Variants in DENND4B observed in about 807,000 individuals in gnomAD.
DENND4B encodes DENN domain containing 4B.
DENND4B carries 67 observed loss-of-function variants against 161.0 expected under a neutral mutation model. The ratio of observed to expected loss-of-function variants is 0.42; its 90% CI spans 0.34 to 0.51. DENND4B has a LOEUF of 0.51. Ranked by LOEUF, DENND4B falls within the 20% of genes least tolerant of loss-of-function variation. The probability of loss-of-function intolerance (pLI) is 0.08; values close to 1 mark genes in which losing one functional copy is unlikely to be tolerated. For missense variants in DENND4B, 1,481 were observed against 1,968.0 expected (o/e 0.75, Z 4.68); for synonymous variants, 753 against 813.8 (o/e 0.93, Z 1.27).
In DENND4B at chr1:153,933,176, T is replaced by C; in HGVS notation, c.3453+21A>G. On this transcript the variant is annotated intron_variant, in intron 21 of 27. Transcript: ENST00000361217. This position sits in a 1 kb window ranked among gnomAD's most constrained non-coding sequence, Gnocchi z 5.7. ...TGCTATGTGTGTTCAAGCACATCTG[T>C]GTGGGAGGGGTTATCCTCACTTCCA... 3.7e-6 allele frequency: 6 copies of C among 1,612,626 alleles called. No individual in the cohort carries two copies. The highest frequency in any genetic ancestry group is 5.1e-6 in the Non-Finnish European group (6 of 1,179,360).
In DENND4B at chr1:153,930,757, C is replaced by T. The variant is rs549408887; in HGVS notation, c.4215G>A (p.Val1405=). 5.0e-6 allele frequency: 8 copies of T among 1,610,626 alleles called. No homozygotes were observed. In the African/African-American group the frequency reaches 8.0e-5, roughly 16 times the overall value. The change falls in exon 26 of 28, where the codon GTG becomes GTA. Residue 1405 remains valine, a synonymous_variant. Coordinates refer to ENST00000361217, the MANE Select transcript of DENND4B (RefSeq NM_014856.3). This position sits in a 1 kb window ranked among gnomAD's most constrained non-coding sequence, Gnocchi z 4.7. ...CCAGCAGGAGCCCCACAGCCTTGTGCACTTCATTGAGTCCAACATGGCGCA... is the reference window on the plus strand; with the variant it reads ...CCAGCAGGAGCCCCACAGCCTTGTGTACTTCATTGAGTCCAACATGGCGCA... The part of the protein sequence containing the change: ...SVLRHVGLNE[V]HKAVGLLLET...
intron 24 of DENND4B, among the ~76,000 whole-genome samples, chr1:153,931,686 CG>C (rs1678946715): frequency 6.6e-6 from 1 of 150,730 alleles, no homozygotes. Context: ...TTTAGTAACA[CG>C]GGGTTTCACC....
At chr1:153,935,319 G>A in intron 17 of DENND4B, 1 of 269,212 alleles carries the variant, frequency 3.7e-6, no homozygotes, top group South Asian at 6.4e-5. Flanking sequence ...CCTGAATTCG[G>A]GAGATATGGA....
chr1:153,937,892 T>C lies in DENND4B; in HGVS notation c.1966-29A>G, dbSNP rs140830931. ...GAGAAGGATTTTAAGAGAGCAAGTG[T>C]TGAGATGGTGGGCATGGAGCAGAGC... On this transcript the variant is annotated intron_variant, in intron 13 of 27. Transcript: ENST00000361217. The surrounding 1 kb of genome is among the most constrained non-coding windows in gnomAD (Gnocchi z 4.7). The C allele has an allele frequency of 2.8e-4, 458 of 1,613,740 alleles. No individual in the cohort carries two copies. The African/African-American group carries it at 5.5e-3, about 20-fold the overall frequency.
Position 153,933,512 on chromosome 1 carries a change from G to C in DENND4B, c.3301C>G (p.Arg1101Gly). ...RSPMDSLLHP[R>G]ERPGSTASES... ...GAGGCAGTGGATCCAGGGCGCTCCC[G>C]GGGGTGCAGAAGACTGTCCATGGGG... is the stretch of plus-strand genomic sequence containing the variant. Residue 1101 changes from arginine (R) to glycine (G), a missense_variant, in exon 20 of 28, where the codon CGG (arginine) becomes GGG (glycine). This residue lies in a region of DENND4B where 339 missense variants were observed against 330.3 expected (regional missense o/e 1.03). Coordinates refer to ENST00000361217, the MANE Select transcript of DENND4B (RefSeq NM_014856.3). The surrounding 1 kb of genome is among the most constrained non-coding windows in gnomAD (Gnocchi z 5.7). 1 of 1,552,540 alleles carries C rather than the reference G, an allele frequency of 6.4e-7. No individual in the cohort carries two copies. The highest frequency in any genetic ancestry group is 8.7e-7 in the Non-Finnish European group (1 of 1,149,774).
Position 153,936,728 on chromosome 1 carries a change from C to CTTT in DENND4B, c.2252_2253insAAA (p.Arg751_Met752insLys). 1.0e-5 allele frequency: 16 copies of CTTT among 1,596,618 alleles called. No individual in the cohort carries two copies. The highest frequency in any genetic ancestry group is 1.4e-5 in the Non-Finnish European group (16 of 1,168,924). ...GCACAGCTGCTGACTTCTGTGCCAT[C>CTTT]CGCTGTGCAACTTTCATCTCCTAGG... On this transcript the variant is annotated inframe_insertion, in exon 16 of 28. Transcript: ENST00000361217. The surrounding 1 kb of genome is among the most constrained non-coding windows in gnomAD (Gnocchi z 4.1).
Position 153,932,832 on chromosome 1 carries a change from A to G in DENND4B, c.3623+29T>C. 6.2e-7 allele frequency: 1 copy of G among 1,613,540 alleles called. No homozygotes were observed. The highest frequency in any genetic ancestry group is 8.5e-7 in the Non-Finnish European group (1 of 1,179,584). On this transcript the variant is annotated intron_variant, in intron 22 of 27. Coordinates refer to ENST00000361217, the MANE Select transcript of DENND4B (RefSeq NM_014856.3). The surrounding 1 kb of genome is among the most constrained non-coding windows in gnomAD (Gnocchi z 5.8). ...TTTGGACCTTCACCTCCCTATTCCC[A>G]CCCACAGCACTTGCCCTGCCTTGGG...
chr1:153,941,775 G>GGGGGGGGGGGGCC, intron 6 of DENND4B, 94 bp downstream of exon 6: 1 of 1,338,174 alleles, frequency 7.5e-7, no homozygotes, highest in Non-Finnish European at 1.0e-6. Flanking sequence ...CCTGTGCCCA[G>GGGGGGGGGGGGCC]CCCTCCCCCC....
Position 153,932,493 on chromosome 1 carries a change from T to A in DENND4B, c.3760-53A>T. The A allele has an allele frequency of 6.4e-7, 1 of 1,559,186 alleles. No individual in the cohort carries two copies. The highest frequency in any genetic ancestry group is 8.7e-7 in the Non-Finnish European group (1 of 1,150,216). On this transcript the variant is annotated intron_variant, in intron 23 of 27. Transcript: ENST00000361217. This position sits in a 1 kb window ranked among gnomAD's most constrained non-coding sequence, Gnocchi z 5.8. ...AGAGGGCATGTACATCCCCAGAGCC[T>A]TGCCTCCCACTGAGCCACCACATCC...
intron 17 of DENND4B, 179 bp downstream of exon 17, chr1:153,935,881 C>T: frequency 1.4e-6 from 1 of 720,528 alleles, no homozygotes. Flanking sequence ...ATCAAAGCAG[C>T]CTCGTCTGAG....
intron 13 of DENND4B, among the ~76,000 whole-genome samples, chr1:153,938,353 G>C (rs1679469045): frequency 6.6e-6 from 1 of 150,824 alleles, no homozygotes; most frequent in South Asian, 2.1e-4. Flanking sequence ...AGGTTGCAGT[G>C]AGCCGATATC....
Position 153,942,120 on chromosome 1 carries a change from G to A in DENND4B, c.811-7C>T. On this transcript the variant is annotated splice_polypyrimidine_tract_variant and splice_region_variant and intron_variant, in intron 5 of 27. Transcript: ENST00000361217. This position sits in a 1 kb window ranked among gnomAD's most constrained non-coding sequence, Gnocchi z 6.9. ...GCAGGGCGGCACCATACACCTGGCA[G>A]GGGGCAGAAGGGTAGTCAGGCAGGC... is the stretch of plus-strand genomic sequence containing the variant. The A allele has an allele frequency of 6.2e-7, 1 of 1,613,776 alleles. No homozygotes were observed. Among genetic ancestry groups the A allele is most frequent in the South Asian group, 1.1e-5 (1 of 91,070 alleles).
Position 153,932,126 on chromosome 1 carries a change from G to A in DENND4B, c.3996+78C>T. The A allele has an allele frequency of 1.5e-6, 2 of 1,360,404 alleles. No homozygotes were observed. The highest frequency in any genetic ancestry group is 2.0e-6 in the Non-Finnish European group (2 of 981,292). The allele number at this position is 1,360,404 out of a possible 1,614,324, so 84.3% of individuals were successfully genotyped here. On this transcript the variant is annotated intron_variant, in intron 24 of 27. Transcript: ENST00000361217. The surrounding 1 kb of genome is among the most constrained non-coding windows in gnomAD (Gnocchi z 5.8). ...CTGGCCAGTCTATGCTCTTTCTACA[G>A]TGCCAAGGACACAGTGGACAAATGG...
In DENND4B at chr1:153,930,283, G is replaced by A; in HGVS notation, c.*14C>T. ...ACTTCCCCACCCTAGGCTGGAGAGG[G>A]AAGCTTAAGGTCTCTAGCATTCTGG... On this transcript the variant is annotated 3_prime_UTR_variant, in exon 28 of 28. Coordinates refer to ENST00000361217, the MANE Select transcript of DENND4B (RefSeq NM_014856.3). This position sits in a 1 kb window ranked among gnomAD's most constrained non-coding sequence, Gnocchi z 4.7. The A allele has an allele frequency of 6.2e-7, 1 of 1,608,648 alleles. No homozygotes were observed. Among genetic ancestry groups the A allele is most frequent in the East Asian group, 2.2e-5 (1 of 44,704 alleles).
chr1:153,929,759 A>G lies in DENND4B; in HGVS notation c.*538T>C, dbSNP rs1236736646. The G allele has an allele frequency of 6.6e-6, 1 of 152,530 alleles. No homozygotes were observed. The highest frequency in any genetic ancestry group is 2.4e-5 in the African/African-American group (1 of 41,418). The allele number at this position is 152,530 out of a possible 1,614,324, so 9.4% of individuals were successfully genotyped here. The stretch of plus-strand genomic sequence containing the variant: ...TTCCCTTCCCTTTCTCACTCTCCAT[A>G]AGAACCTCATAAGCAAGGGGGCTGT... On this transcript the variant is annotated 3_prime_UTR_variant, in exon 28 of 28. Coordinates refer to ENST00000361217, the MANE Select transcript of DENND4B (RefSeq NM_014856.3).
chr1:153,930,719 G>A lies in DENND4B; in HGVS notation c.4253C>T (p.Pro1418Leu). Residue 1418 changes from proline (P) to leucine (L), a missense_variant, in exon 26 of 28, where the codon CCC becomes CTC. Physicochemically the swap from Pro to Leu is moderately conservative, Grantham distance 98 (BLOSUM62 -3). Coordinates refer to ENST00000361217, the MANE Select transcript of DENND4B (RefSeq NM_014856.3). This position sits in a 1 kb window ranked among gnomAD's most constrained non-coding sequence, Gnocchi z 4.7. ...CTGCAGGTGCAGGCCAGTGGGTGGG[G>A]GCCCTAGAGTTTCCAGCAGGAGCCC... The part of the protein sequence containing the change: ...AVGLLLETLG[P>L]PPTGLHLQRG... 6.2e-7 allele frequency: 1 copy of A among 1,611,782 alleles called. No individual in the cohort carries two copies. The highest frequency in any genetic ancestry group is 1.1e-5 in the South Asian group (1 of 90,664).
At position 153,933,237 on chromosome 1, in the gene DENND4B, A is replaced by G; in HGVS notation, c.3413T>C (p.Leu1138Pro). ...NLSLRRSSER[L>P]SDTPGSFQSP... ...CTGGAAGGATCCAGGGGTGTCACTG[A>G]GGCGCTCTGAGGAACGGCGAAGACT... Residue 1138 changes from leucine to proline, a missense_variant, in exon 21 of 28, where the codon CTC becomes CCC. Leu to Pro is a moderately conservative substitution (Grantham distance 98). Coordinates refer to ENST00000361217, the MANE Select transcript of DENND4B (RefSeq NM_014856.3). This position sits in a 1 kb window ranked among gnomAD's most constrained non-coding sequence, Gnocchi z 5.7. The G allele has an allele frequency of 6.2e-7, 1 of 1,613,044 alleles. No individual in the cohort carries two copies. The highest frequency in any genetic ancestry group is 8.5e-7 in the Non-Finnish European group (1 of 1,179,524).
chr1:153,941,775 G>GGGGGGGGGGCC, intron 6 of DENND4B, 94 bp downstream of exon 6: 1 of 1,338,174 alleles, frequency 7.5e-7, no homozygotes, highest in Non-Finnish European at 1.0e-6. Flanking sequence ...CCTGTGCCCA[G>GGGGGGGGGGCC]CCCTCCCCCC....
intron 1 of DENND4B, among the ~76,000 whole-genome samples, chr1:153,945,524 G>C (rs1679908263): frequency 6.6e-6 from 1 of 151,658 alleles, no homozygotes; most frequent in African/African-American, 2.4e-5. Flanking sequence ...CATAGAGCCA[G>C]GCTGGCTTTC....
Sources: gnomAD v4.1 joint callset for allele counts (sites outside exome capture counted in the v4.1 genomes callset) on GRCh38, gnomAD v4.1.1 for gene constraint, gnomAD v4.1.1 regional missense constraint, Gnocchi (gnomAD v3.1) non-coding constraint, MANE v1.5 for transcripts, NCBI Gene and HGNC (gene_info 2026-07-23, HGNC 2026-07-21) for gene names.